The following ALKBH1 variants were observed in gnomAD, a reference collection of about 807,000 sequenced individuals.
ALKBH1 encodes the protein nucleic acid dioxygenase ALKBH1.
ALKBH1 carries 31 observed loss-of-function variants against 36.6 expected under a neutral mutation model. The ratio of observed to expected loss-of-function variants is 0.85; its 90% confidence interval spans 0.64 to 1.14. The LOEUF is 1.14. Ranked by LOEUF, ALKBH1 falls within the 50% of genes most tolerant of loss-of-function variation. ALKBH1 has a pLI of 0.00. For synonymous variants in ALKBH1, 183 were observed against 186.6 expected, an observed-to-expected ratio of 0.98 and a Z score of 0.16; for missense variants, 490 against 497.3, an observed-to-expected ratio of 0.99 and a Z score of 0.14.
At chr14:77,690,895 G>A (rs539211824) in intron 3 of ALKBH1, among the ~76,000 whole-genome samples, 7 of 152,050 alleles carry the variant, frequency 4.6e-5, no homozygotes, top group South Asian at 4.1e-4. Context: ...TCCGCCTCCC[G>A]GGTTCAAGTG....
chr14:77,674,677 A>G (rs199639684), intron 5 of ALKBH1, among the ~76,000 whole-genome samples: 1 of 152,034 alleles, frequency 6.6e-6, no homozygotes, highest in African/African-American at 2.4e-5. Flanking sequence ...CTCAGCCTCC[A>G]GAGTAGCAGG....
rs1380741594 is a variant in ALKBH1 at position 77,674,018 on chromosome 14, A to C, written c.964T>G (p.Cys322Gly). The change falls in exon 6 of 6, where the codon TGT becomes GGT. Residue 322 changes from cysteine to glycine, a missense_variant. Coordinates refer to ENST00000216489, the MANE Select transcript of ALKBH1 (RefSeq NM_006020.3). Reference protein sequence around the residue: ...VLPRDSMVEPCSMEDWQVCAS... With the variant: ...VLPRDSMVEPGSMEDWQVCAS... ...CACACCTGCCAGTCCTCCATAGAAC[A>C]AGGCTCTACCATTGAATCTCTCGGG... The C allele has an allele frequency of 1.2e-6, 2 of 1,614,226 alleles. No individual in the cohort carries two copies. Among genetic ancestry groups the C allele is most frequent in the South Asian group, 2.2e-5 (2 of 91,090 alleles).
chr14:77,691,299 T>C (rs1325408205), intron 3 of ALKBH1, among the ~76,000 whole-genome samples: 4 of 152,204 alleles, frequency 2.6e-5, no homozygotes, highest in Non-Finnish European at 4.4e-5. Context: ...TCCCTGACTA[T>C]AGAATTCTAG....
At chr14:77,707,754 G>A in intron 1 of ALKBH1, 68 bp downstream of exon 1, 4 of 1,508,522 alleles carry the variant, frequency 2.7e-6, no homozygotes, top group South Asian at 1.3e-5. Flanking sequence ...AGGCGAAGAA[G>A]ACACGTAAGT....
At position 77,673,712 on chromosome 14, in the gene ALKBH1, T is replaced by C. The variant is rs564386802; in HGVS notation, c.*100A>G. 10 of 1,252,434 alleles carry C rather than the reference T, an allele frequency of 8.0e-6. No homozygotes were observed. The African/African-American group carries it at 1.1e-4, about 13-fold the overall frequency. The allele number at this position is 1,252,434 out of a possible 1,614,324, so 77.6% of individuals were successfully genotyped here. A position where few individuals can be genotyped will look rare whatever the true frequency, so the allele number is the denominator to read the frequency against. ...AACAATGAGTTCTTCCCTGTCTCTG[T>C]TTTTGGCTTGTCTGGGTGCTGAAGT... is the stretch of plus-strand genomic sequence containing the variant. On this transcript the variant is annotated 3_prime_UTR_variant, in exon 6 of 6. Coordinates refer to ENST00000216489, the MANE Select transcript of ALKBH1 (RefSeq NM_006020.3).
Position 77,675,790 on chromosome 14 carries a change from T to A in ALKBH1, c.606A>T (p.Gln202His), listed in dbSNP as rs1451606457. 1 of 1,614,120 alleles carries A rather than the reference T, an allele frequency of 6.2e-7. No individual in the cohort carries two copies. Among genetic ancestry groups the A allele is most frequent in the Non-Finnish European group, 8.5e-7 (1 of 1,180,008 alleles). ...FPSDLGFLSE[Q>H]VAAACGFEDF... ...CCTCAAATCCACAGGCAGCGGCTAC[T>A]TGCTCTGAGAGGAAACCCAGGTCAG... The change falls in exon 5 of 6, where the codon CAA (glutamine) becomes CAT (histidine). Residue 202 changes from glutamine to histidine, a missense_variant. Gln to His is a conservative substitution (Grantham distance 24, BLOSUM62 0). Coordinates refer to ENST00000216489, the MANE Select transcript of ALKBH1 (RefSeq NM_006020.3).
rs2080187312 is a variant in ALKBH1 at position 77,673,486 on chromosome 14, A to G, written c.*326T>C. On this transcript the variant is annotated 3_prime_UTR_variant, in exon 6 of 6. Transcript: ENST00000216489. ...AATCTGAGGTATTTAAATACTCTGC[A>G]AACATGGAAACTCACTTCTACCTTC... The G allele has an allele frequency of 7.2e-6, 2 of 278,778 alleles. No individual in the cohort carries two copies. The highest frequency in any genetic ancestry group is 6.8e-6 in the Non-Finnish European group (1 of 146,920). The allele number at this position is 278,778 out of a possible 1,614,324, so 17.3% of individuals were successfully genotyped here. A position where few individuals can be genotyped will look rare whatever the true frequency, so the allele number is the denominator to read the frequency against.
At chr14:77,697,537 C>T (rs1446354154) in intron 2 of ALKBH1, among the ~76,000 whole-genome samples, 3 of 152,142 alleles carry the variant, frequency 2.0e-5, no homozygotes, top group East Asian at 1.9e-4. Context: ...ATGAAGATAG[C>T]GTCCCCTCCA....
chr14:77,694,877 A>G lies in ALKBH1; in HGVS notation c.316T>C (p.Phe106Leu). The G allele has an allele frequency of 6.4e-7, 1 of 1,569,958 alleles. No individual in the cohort carries two copies. Among genetic ancestry groups the G allele is most frequent in the Admixed American group, 1.9e-5 (1 of 51,310 alleles). The change falls in exon 3 of 6, where the codon TTC becomes CTC. Residue 106 changes from phenylalanine to leucine, a missense_variant. By Grantham distance (22) the Phe-to-Leu change is conservative. Coordinates refer to ENST00000216489, the MANE Select transcript of ALKBH1 (RefSeq NM_006020.3). ...YPGFIFIPNP[F>L]LPGYQWHWVK... ...CAGTGCCACTGGTAACCTGGGAGGA[A>G]GGGGTTTGGGATAAAAATAAACCCT...
chr14:77,674,376 T>C (rs2080193627), intron 5 of ALKBH1, 135 bp from the exon 6 acceptor site: 1 of 1,048,092 alleles, frequency 9.5e-7, no homozygotes, highest in African/African-American at 1.6e-5. Flanking sequence ...AATCCTCCTT[T>C]TTAAACTGTG....
chr14:77,677,797 A>C (rs1391430176), intron 4 of ALKBH1, among the ~76,000 whole-genome samples: 2 of 152,160 alleles, frequency 1.3e-5, no homozygotes, highest in Non-Finnish European at 2.9e-5. Context: ...AAGAACTTTA[A>C]GTTTTCCTCT....
At chr14:77,704,200 G>C (rs1734930192) in intron 2 of ALKBH1, among the ~76,000 whole-genome samples, 169 bp downstream of exon 2, 1 of 152,128 alleles carries the variant, frequency 6.6e-6, no homozygotes, top group Non-Finnish European at 1.5e-5. Flanking sequence ...TTTCAAAACG[G>C]ACGTCTTAGA....
intron 3 of ALKBH1, among the ~76,000 whole-genome samples, chr14:77,681,378 T>C (rs751574072): frequency 6.6e-6 from 1 of 152,050 alleles, no homozygotes; most frequent in Admixed American, 6.6e-5. Flanking sequence ...AGCATTTAAA[T>C]AGGGAGTGAT....
intron 4 of ALKBH1, among the ~76,000 whole-genome samples, chr14:77,679,462 G>C (rs1383170208): frequency 2.0e-5 from 3 of 151,220 alleles, no homozygotes; most frequent in African/African-American, 7.3e-5. Flanking sequence ...ACAGAGTCTT[G>C]CTCTGTCACC....
chr14:77,680,901 C>T (rs779628699), intron 3 of ALKBH1, among the ~76,000 whole-genome samples: 1 of 152,052 alleles, frequency 6.6e-6, no homozygotes, highest in African/African-American at 2.4e-5. Flanking sequence ...GTCTCGAACT[C>T]CTGACCTCAG....
rs191447600 is a variant in ALKBH1 at position 77,688,396 on chromosome 14, G to A, written c.455+6342C>T. 2.9e-3 allele frequency among the ~76,000 whole-genome samples: 435 copies of A among 151,936 alleles called. 2 individuals are homozygous for A. Among genetic ancestry groups the A allele is most frequent in the African/African-American group, 0.01 (423 of 41,412 alleles). On this transcript the variant is annotated intron_variant, in intron 3 of 5. Coordinates refer to ENST00000216489, the MANE Select transcript of ALKBH1 (RefSeq NM_006020.3). ...TCAGCCTCCTGAGTAGCTAGGACTA[G>A]AGGTGCGTGCTGCCATGTCCGGATA...
At chr14:77,682,707 T>C (rs942760260) in intron 3 of ALKBH1, among the ~76,000 whole-genome samples, 2 of 152,126 alleles carry the variant, frequency 1.3e-5, no homozygotes, top group African/African-American at 4.8e-5. Flanking sequence ...TCAAAAATTT[T>C]ATTTTTTGGA....
chr14:77,704,300 C>T (rs918036743), intron 2 of ALKBH1, 69 bp downstream of exon 2: 1 of 1,132,262 alleles, frequency 8.8e-7, no homozygotes, highest in African/African-American at 1.5e-5. Context: ...ACACACAGTA[C>T]CTTCTTTGAA....
At chr14:77,691,843 G>A (rs1020418706) in intron 3 of ALKBH1, 1 of 152,094 alleles carries the variant, frequency 6.6e-6, no homozygotes, top group African/African-American at 2.4e-5. Context: ...GAAAACACAG[G>A]CTGGTTTAAT....
Sources: allele counts gnomAD v4.1 joint callset (sites outside exome capture counted in the v4.1 genomes callset), GRCh38; gene constraint gnomAD v4.1.1; transcripts MANE v1.5; gene names NCBI Gene and HGNC (gene_info 2026-07-23, HGNC 2026-07-21).